TMEM260: variants seen among roughly 807,000 people sequenced by gnomAD.
The protein encoded by TMEM260 is protein O-mannosyl-transferase TMEM260.
In TMEM260, 82 loss-of-function variants were observed where a neutral mutation model predicts 88.9. The ratio of observed to expected loss-of-function variants is 0.92; its 90% CI spans 0.77 to 1.11. The LOEUF (loss-of-function observed/expected upper bound fraction) is 1.11, where lower values mean the gene tolerates loss of function less well. Among genes scored for constraint, TMEM260 ranks in the 50% least tolerant of loss-of-function variants. TMEM260 has a pLI of 0.00. For missense variants in TMEM260, 902 were observed against 853.4 expected, an observed-to-expected ratio of 1.06 and a Z score of -0.71; for synonymous variants, 314 against 309.3, an observed-to-expected ratio of 1.02 and a Z score of -0.16.
chr14:56,621,796 G>A, intron 11 of TMEM260, 94 bp downstream of exon 11: 2 of 1,033,190 alleles, frequency 1.9e-6, no homozygotes, highest in Non-Finnish European at 2.8e-6. Flanking sequence ...GACGGGTACA[G>A]TTTTCATGAT....
At chr14:56,598,308 C>G (rs1397384343) in intron 3 of TMEM260, among the ~76,000 whole-genome samples, 2 of 152,150 alleles carry the variant, frequency 1.3e-5, no homozygotes, top group African/African-American at 2.4e-5. Flanking sequence ...TCCCAGACAT[C>G]AACTCGGTAA....
chr14:56,585,155 A>G lies in TMEM260; in HGVS notation c.192+123A>G, dbSNP rs1885410454. 3.4e-5 allele frequency: 28 copies of G among 825,420 alleles called. 2 individuals carry two copies. The South Asian group carries it at 3.5e-4, about 10-fold the overall frequency. 51.1% of individuals were successfully genotyped at this position (825,420 alleles called of 1,614,324 possible). A position where few individuals can be genotyped will look rare whatever the true frequency, so the allele number is the denominator to read the frequency against. On this transcript the variant is annotated intron_variant, in intron 2 of 15. Transcript: ENST00000261556. The stretch of plus-strand genomic sequence containing the variant: ...TTCAAACCCCCGTTTTTAGTAACTT[A>G]TAAGTACAGTACGTGACAATTTACT...
chr14:56,651,068 CAAAT>C (rs1188667567), downstream of TMEM260, among the ~76,000 whole-genome samples: 3 of 152,106 alleles, frequency 2.0e-5, no homozygotes, highest in Non-Finnish European at 4.4e-5. Context: ...TACTCACAAA[CAAAT>C]AAGTAATGTT....
chr14:56,645,400 AC>A (rs1889893478), intron 15 of TMEM260, among the ~76,000 whole-genome samples: 1 of 151,800 alleles, frequency 6.6e-6, no homozygotes, highest in Non-Finnish European at 1.5e-5. Flanking sequence ...AGGACAAAAA[AC>A]CAAGCACCAC....
At chr14:56,589,710 A>G (rs1396412334) in intron 3 of TMEM260, among the ~76,000 whole-genome samples, 1 of 152,168 alleles carries the variant, frequency 6.6e-6, no homozygotes, top group Admixed American at 6.6e-5. Context: ...GTTTTGTGCC[A>G]GTATTTAACT....
chr14:56,645,981 A>G (rs1452757100), intron 15 of TMEM260, among the ~76,000 whole-genome samples: 1 of 151,864 alleles, frequency 6.6e-6, no homozygotes, highest in African/African-American at 2.4e-5. Flanking sequence ...ATAACTAGAG[A>G]TGGGGTCTTG....
chr14:56,600,977 C>A (rs10149528), intron 3 of TMEM260, among the ~76,000 whole-genome samples: 23,585 of 152,098 alleles, frequency 0.16, 3,411 homozygotes, highest in African/African-American at 0.37. Context: ...TGGATTGCAA[C>A]ATCATCTTGA....
At chr14:56,607,798 A>G (rs897210028) in intron 5 of TMEM260, among the ~76,000 whole-genome samples, 1 of 152,160 alleles carries the variant, frequency 6.6e-6, no homozygotes, top group Non-Finnish European at 1.5e-5. Flanking sequence ...AGGCCCAGAC[A>G]TCAGTATTTT....
chr14:56,614,812 T>G (rs1325875409), intron 7 of TMEM260, among the ~76,000 whole-genome samples: 2 of 152,158 alleles, frequency 1.3e-5, no homozygotes, highest in African/African-American at 4.8e-5. Flanking sequence ...TCTTTAATAG[T>G]TTCAGGTGGG....
chr14:56,640,094 G>A (rs1295865344), intron 15 of TMEM260, among the ~76,000 whole-genome samples: 1 of 152,234 alleles, frequency 6.6e-6, no homozygotes, highest in Non-Finnish European at 1.5e-5. Context: ...ACAAAAGGCA[G>A]CAATATCCTC....
intron 3 of TMEM260, 102 bp downstream of exon 3, chr14:56,586,014 C>A: frequency 8.4e-7 from 1 of 1,185,258 alleles, no homozygotes; most frequent in Non-Finnish European, 1.2e-6. Flanking sequence ...TGCTTGGTTT[C>A]CCTAACACAT....
intron 4 of TMEM260, 110 bp downstream of exon 4, chr14:56,604,102 G>C: frequency 9.5e-7 from 1 of 1,055,516 alleles, no homozygotes; most frequent in Non-Finnish European, 1.3e-6. Context: ...TTACAGTCGG[G>C]ATAATCTAGC....
chr14:56,633,342 G>A (rs1011863092), intron 13 of TMEM260, 171 bp downstream of exon 13: 19 of 532,036 alleles, frequency 3.6e-5, no homozygotes, highest in East Asian at 1.0e-4. Flanking sequence ...TGTCCTTCTC[G>A]TTCTCCTACT....
rs1194611612 is a variant in TMEM260, at chr14:56,625,488, T to A, written c.1505T>A (p.Met502Lys). ...NPVEGILPSG[M>K]VTFNLYHFLE... ...GTGGAAGGAATATTACCTAGTGGAA[T>A]GGTCACATTTAATCTTTATCATTTT... Residue 502 changes from methionine to lysine, a missense_variant, in exon 12 of 16, where the codon ATG (methionine) becomes AAG (lysine). By Grantham distance (95) the Met-to-Lys change is moderately conservative. Coordinates refer to ENST00000261556, the MANE Select transcript of TMEM260 (RefSeq NM_017799.4). 6.2e-7 allele frequency: 1 copy of A among 1,609,674 alleles called. No homozygotes were observed. Among genetic ancestry groups the A allele is most frequent in the African/African-American group, 1.3e-5 (1 of 74,852 alleles).
chr14:56,593,370 G>A (rs569043528), intron 3 of TMEM260: 1 of 152,144 alleles, frequency 6.6e-6, no homozygotes, highest in African/African-American at 2.4e-5. Context: ...CATACTCTTG[G>A]TGTGTCTTTT....
At chr14:56,618,057 C>A (rs959192061) in intron 9 of TMEM260, among the ~76,000 whole-genome samples, 1 of 152,194 alleles carries the variant, frequency 6.6e-6, no homozygotes, top group Non-Finnish European at 1.5e-5. Flanking sequence ...CCTGTCTCCC[C>A]CACCCCACTG....
At chr14:56,630,039 TCAGAAAAAAAAAAAG>T (rs1888485083) in intron 12 of TMEM260, among the ~76,000 whole-genome samples, 1 of 142,050 alleles carries the variant, frequency 7.0e-6, no homozygotes, top group African/African-American at 2.8e-5. Context: ...AAACCCTATC[TCAGAAAAAAAAAAAG>T]AAGAAAAAAA....
chr14:56,643,496 G>A, intron 15 of TMEM260, among the ~76,000 whole-genome samples: 1 of 152,038 alleles, frequency 6.6e-6, no homozygotes, highest in Non-Finnish European at 1.5e-5. Context: ...ATTAGGTATT[G>A]ATGGGACGTA....
chr14:56,592,363 T>G (rs1367324137), intron 3 of TMEM260, among the ~76,000 whole-genome samples: 3 of 152,192 alleles, frequency 2.0e-5, no homozygotes, highest in African/African-American at 7.2e-5. Flanking sequence ...ATGAAAAGAT[T>G]TATAATCTAC....
Sources: allele counts gnomAD v4.1 joint callset (sites outside exome capture counted in the v4.1 genomes callset), GRCh38; gene constraint gnomAD v4.1.1; transcripts MANE v1.5; gene names NCBI Gene and HGNC (gene_info 2026-07-23, HGNC 2026-07-21).